Variants in UNC45B observed in about 807,000 individuals in gnomAD.
UNC45B encodes protein unc-45 homolog B.
A neutral mutation model predicts 98.7 loss-of-function variants in UNC45B; 78 were observed. That is an observed-to-expected ratio of 0.79 (90% CI 0.66 to 0.95). UNC45B has a LOEUF of 0.95. UNC45B is among the 40% of genes least tolerant of loss of function. UNC45B has a pLI of 0.00. For missense variants in UNC45B, 1,225 were observed against 1,184.9 expected (o/e 1.03, Z -0.50); for synonymous variants, 462 against 480.4 (o/e 0.96, Z 0.50).
At chr17:35,148,695 C>T (rs2142523243) in intron 2 of UNC45B, among the ~76,000 whole-genome samples, 1 of 152,234 alleles carries the variant, frequency 6.6e-6, no homozygotes, top group African/African-American at 2.4e-5. Context: ...CTGTTGTTGT[C>T]CTCCCCCTAT....
At chr17:35,166,013 G>A (rs1047727610) in intron 9 of UNC45B, among the ~76,000 whole-genome samples, 1 of 145,270 alleles carries the variant, frequency 6.9e-6, no homozygotes, top group Non-Finnish European at 1.5e-5. Context: ...CATTTTGGGA[G>A]GCCGATGTGG....
At chr17:35,172,504 C>T (rs995539880) in intron 13 of UNC45B, among the ~76,000 whole-genome samples, 4 of 152,348 alleles carry the variant, frequency 2.6e-5, no homozygotes, top group Admixed American at 2.0e-4. Context: ...CCACCTCGGC[C>T]TCCTAAAGCG....
At chr17:35,175,060 G>GATGAAAGA (rs1491189117) in intron 14 of UNC45B, among the ~76,000 whole-genome samples, 4 of 110,058 alleles carry the variant, frequency 3.6e-5, no homozygotes, top group African/African-American at 1.3e-4. Flanking sequence ...AGAAAGGAAA[G>GATGAAAGA]AAGAAAGAAA....
chr17:35,186,306 A>C lies in UNC45B; in HGVS notation c.2537A>C (p.Gln846Pro). Residue 846 changes from glutamine (Q) to proline (P), a missense_variant, in exon 20 of 20, where the codon CAG becomes CCG. Coordinates refer to ENST00000394570, the MANE Select transcript of UNC45B (RefSeq NM_001267052.2). ...LCLKMTQVTT[Q>P]WLEILQRLCL... ...CTTTTTCCCTGCCTCCAGACAACCC[A>C]GTGGTTGGAGATCCTCCAGCGGCTT... The C allele has an allele frequency of 6.2e-7, 1 of 1,613,828 alleles. No individual in the cohort carries two copies. Among genetic ancestry groups the C allele is most frequent in the South Asian group, 1.1e-5 (1 of 91,060 alleles).
At chr17:35,185,015 A>G (rs558936006) in intron 19 of UNC45B, among the ~76,000 whole-genome samples, 1 of 152,274 alleles carries the variant, frequency 6.6e-6, no homozygotes, top group African/African-American at 2.4e-5. Flanking sequence ...CCAGGGAGCG[A>G]TGGGCCCTGG....
intron 12 of UNC45B, among the ~76,000 whole-genome samples, chr17:35,170,704 C>A (rs768716400): frequency 3.9e-5 from 6 of 152,022 alleles, no homozygotes; most frequent in Non-Finnish European, 7.4e-5. Flanking sequence ...GGCGTGGTGG[C>A]ACATACCTGT....
In UNC45B at chr17:35,153,485, CT is replaced by C. The variant is rs34389477; in HGVS notation, c.471+513del. 6.2e-3 allele frequency among the ~76,000 whole-genome samples: 925 copies of C among 148,912 alleles called. 10 individuals are homozygous for C. The highest frequency in any genetic ancestry group is 0.02 in the African/African-American group (800 of 40,636). ...TCATCCTCTTAACCAAACTTGTTAC[CT>C]TTTTTTTTTATGTTTCCTTCTAGTG... On this transcript the variant is annotated intron_variant, in intron 5 of 19. Coordinates refer to ENST00000394570, the MANE Select transcript of UNC45B (RefSeq NM_001267052.2).
chr17:35,175,983 G>A lies in UNC45B; in HGVS notation c.1974G>A (p.Leu658=), dbSNP rs369753159. 4.2e-4 allele frequency: 671 copies of A among 1,614,134 alleles called. 3 individuals carry two copies. Among genetic ancestry groups the A allele is most frequent in the South Asian group, 3.4e-3 (310 of 91,066 alleles). ...GGTCCCACAGGGTATTCCTGGCACT[G>A]TGTGACAACCCAAAGGACCGAGGCA... ...KELLARVFLA[L]CDNPKDRGTI... Residue 658 remains leucine, a synonymous_variant, in exon 15 of 20, where the codon CTG becomes CTA. Transcript: ENST00000394570.
chr17:35,159,088 C>G (rs2092083559), intron 7 of UNC45B, among the ~76,000 whole-genome samples: 1 of 152,192 alleles, frequency 6.6e-6, no homozygotes, highest in Non-Finnish European at 1.5e-5. Flanking sequence ...CTGCCAGTCA[C>G]TGGTAGGAGT....
At position 35,154,756 on chromosome 17, in the gene UNC45B, G is replaced by A; in HGVS notation, c.639+15G>A. 6.4e-7 allele frequency: 1 copy of A among 1,562,764 alleles called. No homozygotes were observed. ...ACCAAGCCAGAGTAAGTGCCCGGCT[G>A]TGGGGCATGTGGAGCAGACGACTGC... is the stretch of plus-strand genomic sequence containing the variant. On this transcript the variant is annotated intron_variant, in intron 6 of 19. Coordinates refer to ENST00000394570, the MANE Select transcript of UNC45B (RefSeq NM_001267052.2).
intron 12 of UNC45B, 55 bp from the exon 13 acceptor site, chr17:35,171,267 G>A: frequency 6.3e-7 from 1 of 1,593,316 alleles, no homozygotes; most frequent in Non-Finnish European, 8.6e-7. Flanking sequence ...GGAAGCAGAG[G>A]TTTGTCCTAA....
chr17:35,155,756 G>A (rs1003920008), intron 7 of UNC45B, among the ~76,000 whole-genome samples: 1 of 152,136 alleles, frequency 6.6e-6, no homozygotes, highest in African/African-American at 2.4e-5. Flanking sequence ...TTTTAGTAGA[G>A]ACAGGGTTTC....
chr17:35,180,774 GC>G (rs1393002294), intron 18 of UNC45B, 98 bp downstream of exon 18: 22 of 807,266 alleles, frequency 2.7e-5, no homozygotes, highest in Non-Finnish European at 4.0e-5. Context: ...TCTTATGATG[GC>G]ATTAAGGTAG....
At chr17:35,181,568 G>C (rs541586049) in intron 18 of UNC45B, among the ~76,000 whole-genome samples, 2 of 152,216 alleles carry the variant, frequency 1.3e-5, no homozygotes, top group African/African-American at 4.8e-5. Context: ...AGGTGGATGC[G>C]TCACTTGAAG....
At chr17:35,170,571 C>T (rs908852656) in intron 12 of UNC45B, among the ~76,000 whole-genome samples, 7 of 148,548 alleles carry the variant, frequency 4.7e-5, no homozygotes, top group Admixed American at 2.7e-4. Context: ...CATCGTAGCA[C>T]GTGCCTGTAA....
chr17:35,174,064 G>A (rs1220175062), intron 13 of UNC45B, among the ~76,000 whole-genome samples, 178 bp from the exon 14 acceptor site: 1 of 152,096 alleles, frequency 6.6e-6, no homozygotes, highest in Non-Finnish European at 1.5e-5. Context: ...GCCCGCCTCA[G>A]CCTCCCAAAG....
At chr17:35,165,853 C>T (rs964121778) in intron 9 of UNC45B, among the ~76,000 whole-genome samples, 1 of 151,882 alleles carries the variant, frequency 6.6e-6, no homozygotes, top group South Asian at 2.1e-4. Flanking sequence ...GCAGAAGAAT[C>T]GCTTGAACCC....
At position 35,170,749 on chromosome 17, in the gene UNC45B, T is replaced by C. The variant is rs370597170; in HGVS notation, c.1689+494T>C. Among the ~76,000 whole-genome samples, 22 of 152,114 alleles carry C rather than the reference T, an allele frequency of 1.4e-4. 1 individual carries two copies. The South Asian group carries it at 4.6e-3, about 32-fold the overall frequency. ...TACTCGGGAGGCTGAGGTGGGAGGA[T>C]TGCTTGAGCCTTGGGAGATCGAGGC... is the stretch of plus-strand genomic sequence containing the variant. On this transcript the variant is annotated intron_variant, in intron 12 of 19. Transcript: ENST00000394570.
chr17:35,148,222 C>A, intron 1 of UNC45B, 42 bp from the exon 2 acceptor site: 1 of 1,609,218 alleles, frequency 6.2e-7, no homozygotes, highest in Admixed American at 1.7e-5. Context: ...CCTGGGTCTG[C>A]AGTGAGGGGC....
Sources: allele counts gnomAD v4.1 joint callset (sites outside exome capture counted in the v4.1 genomes callset), GRCh38; gene constraint gnomAD v4.1.1; transcripts MANE v1.5; gene names NCBI Gene and HGNC (gene_info 2026-07-23, HGNC 2026-07-21).